Variants in NRG1 observed in about 807,000 individuals in gnomAD.
NRG1 encodes the protein pro-neuregulin-1, membrane-bound isoform.
In NRG1, 18 loss-of-function variants were observed where a neutral mutation model predicts 63.8. That is an observed-to-expected ratio of 0.28 (90% CI 0.19 to 0.42). The LOEUF (loss-of-function observed/expected upper bound fraction) is 0.42. Among genes scored for constraint, NRG1 ranks in the 10% least tolerant of loss-of-function variants. NRG1 has a pLI of 1.00. For missense variants in NRG1, 762 were observed against 814.7 expected, an observed-to-expected ratio of 0.94 and a Z score of 0.79; for synonymous variants, 302 against 301.3, an observed-to-expected ratio of 1.00 and a Z score of -0.02.
At chr8:32,486,073 G>A (rs914884476) in intron 1 of NRG1, among the ~76,000 whole-genome samples, 3 of 151,754 alleles carry the variant, frequency 2.0e-5, no homozygotes, top group Admixed American at 6.6e-5. Context: ...GATTACAGGC[G>A]CTCCCCCCCT....
intron 4 of NRG1, among the ~76,000 whole-genome samples, chr8:32,615,233 T>G (rs1047555261): frequency 1.4e-4 from 20 of 146,386 alleles, no homozygotes; most frequent in Non-Finnish European, 4.4e-5. Flanking sequence ...ATGTATTTCA[T>G]TTTTTAAACT....
At chr8:31,790,243 G>A (rs1820571152) in intron 1 of NRG1, among the ~76,000 whole-genome samples, 1 of 152,070 alleles carries the variant, frequency 6.6e-6, no homozygotes, top group South Asian at 2.1e-4. Context: ...GAAAGGATAT[G>A]GGACCCTAAA....
At chr8:31,845,951 A>G (rs1826646782) in intron 1 of NRG1, among the ~76,000 whole-genome samples, 1 of 152,168 alleles carries the variant, frequency 6.6e-6, no homozygotes, top group Non-Finnish European at 1.5e-5. Flanking sequence ...TTCTCATTCC[A>G]AAGAGTTTTT....
At chr8:32,582,145 T>G (rs1840779125) in intron 1 of NRG1, among the ~76,000 whole-genome samples, 1 of 146,030 alleles carries the variant, frequency 6.8e-6, no homozygotes, top group African/African-American at 2.5e-5. Context: ...TCACCCAGAC[T>G]GGAGTGCAGT....
chr8:31,662,917 C>T (rs1386919866), intron 1 of NRG1, among the ~76,000 whole-genome samples: 3 of 152,194 alleles, frequency 2.0e-5, no homozygotes, highest in African/African-American at 7.2e-5. Context: ...GATATTTAGT[C>T]CTATGATTGA....
intron 1 of NRG1, among the ~76,000 whole-genome samples, chr8:31,774,428 GA>G (rs1471585506): frequency 6.6e-6 from 1 of 152,056 alleles, no homozygotes; most frequent in Non-Finnish European, 1.5e-5. Context: ...TGAGAGCAGT[GA>G]CATTGTCTTT....
At chr8:32,550,045 G>A (rs1704228924) in intron 1 of NRG1, among the ~76,000 whole-genome samples, 1 of 152,138 alleles carries the variant, frequency 6.6e-6, no homozygotes, top group African/African-American at 2.4e-5. Context: ...CATTTGCTTG[G>A]TCTTCTTACT....
At chr8:32,203,728 G>A (rs1405850836) in intron 1 of NRG1, among the ~76,000 whole-genome samples, 1 of 151,986 alleles carries the variant, frequency 6.6e-6, no homozygotes, top group Non-Finnish European at 1.5e-5. Flanking sequence ...GTGTATTTTG[G>A]GCCAAGTGCA....
chr8:32,068,964 G>T (rs543306851), intron 1 of NRG1, among the ~76,000 whole-genome samples: 2 of 152,280 alleles, frequency 1.3e-5, no homozygotes, highest in South Asian at 4.1e-4. Context: ...GGAATACTTG[G>T]TGTCTTTGGT....
At chr8:31,860,432 G>A (rs537270700) in intron 1 of NRG1, among the ~76,000 whole-genome samples, 57 of 152,266 alleles carry the variant, frequency 3.7e-4, no homozygotes, top group African/African-American at 1.3e-3. Flanking sequence ...GCATTTAGTC[G>A]TGAAAGTATA....
At chr8:32,596,585 G>A (rs1162162806) in intron 2 of NRG1, among the ~76,000 whole-genome samples, 1 of 134,304 alleles carries the variant, frequency 7.4e-6, no homozygotes, top group Admixed American at 8.2e-5. Flanking sequence ...GGGCAACAGA[G>A]CGAGACTCCA....
intron 2 of NRG1, among the ~76,000 whole-genome samples, chr8:32,597,930 A>G (rs1187324528): frequency 6.6e-6 from 1 of 152,190 alleles, no homozygotes; most frequent in Non-Finnish European, 1.5e-5. Context: ...GGACAAAAAA[A>G]TACTCCTAGA....
At chr8:32,055,571 T>C (rs1822779119) in intron 1 of NRG1, among the ~76,000 whole-genome samples, 1 of 152,064 alleles carries the variant, frequency 6.6e-6, no homozygotes, top group Non-Finnish European at 1.5e-5. Flanking sequence ...GTTACTATAA[T>C]GACATTTGGC....
intron 1 of NRG1, among the ~76,000 whole-genome samples, chr8:32,284,489 G>GCCTGCCTTCCTT (rs1338557078): frequency 1.6e-3 from 210 of 132,606 alleles, no homozygotes; most frequent in African/African-American, 3.7e-3. Flanking sequence ...CTGCCTGCCT[G>GCCTGCCTTCCTT]CCTTCCTTCC....
At chr8:32,671,253 C>A (rs1805581633) in intron 5 of NRG1, among the ~76,000 whole-genome samples, 1 of 152,068 alleles carries the variant, frequency 6.6e-6, no homozygotes, top group African/African-American at 2.4e-5. Flanking sequence ...TTTTCCTCAC[C>A]TCTTCCTTTG....
Position 32,136,253 on chromosome 8 carries a change from G to A in NRG1, c.38-459575G>A, listed in dbSNP as rs557134771. Among the ~76,000 whole-genome samples the A allele has an allele frequency of 6.4e-4, 97 of 152,246 alleles. 1 individual carries two copies. Among genetic ancestry groups the A allele is most frequent in the South Asian group, 1.2e-3 (6 of 4,816 alleles). On this transcript the variant is annotated intron_variant, in intron 1 of 10. Transcript: ENST00000519301. ...TATAAAATATTCAGATTCCTTAAGCGCATGGTTCCTCTCCTATAATACAAA... is the reference window on the plus strand; with the variant it reads ...TATAAAATATTCAGATTCCTTAAGCACATGGTTCCTCTCCTATAATACAAA...
chr8:32,101,847 A>G (rs1830621586), intron 1 of NRG1, among the ~76,000 whole-genome samples: 1 of 152,170 alleles, frequency 6.6e-6, no homozygotes, highest in East Asian at 1.9e-4. Flanking sequence ...TGAATTTTTT[A>G]TAATTTGTAC....
At chr8:32,156,309 C>G (rs1838055228) in intron 1 of NRG1, among the ~76,000 whole-genome samples, 1 of 152,182 alleles carries the variant, frequency 6.6e-6, no homozygotes, top group Admixed American at 6.5e-5. Context: ...TCTCAGCCTC[C>G]CTGGGTCAGT....
At position 32,663,090 on chromosome 8, in the gene NRG1, T is replaced by A. The variant is rs140519310; in HGVS notation, c.502+46205T>A. On this transcript the variant is annotated intron_variant, in intron 5 of 11. Transcript: ENST00000356819. ...GATGGAATGAAGTCCCAGGGGGATG[T>A]AGAATAGGCTTCCAACAAACCACTT... Among the ~76,000 whole-genome samples the A allele has an allele frequency of 7.5e-4, 114 of 152,346 alleles. 2 individuals carry two copies. In the East Asian group the frequency reaches 7.9e-3, roughly 11 times the overall value.
Sources: allele counts gnomAD v4.1 joint callset (sites outside exome capture counted in the v4.1 genomes callset), GRCh38; gene constraint gnomAD v4.1.1; transcripts MANE v1.5; gene names NCBI Gene and HGNC (gene_info 2026-07-23, HGNC 2026-07-21).